The following PRKCB variants were observed in gnomAD, a reference collection of about 807,000 sequenced individuals.
The protein encoded by PRKCB is protein kinase C beta type.
Under a neutral mutation model 81.5 loss-of-function variants are expected in PRKCB, and 13 were observed. That is an observed-to-expected ratio of 0.16 (90% confidence interval 0.10 to 0.25). The LOEUF (loss-of-function observed/expected upper bound fraction) is 0.25, where lower values mean the gene tolerates loss of function less well. Among genes scored for constraint, PRKCB ranks in the 10% least tolerant of loss-of-function variants. The probability of loss-of-function intolerance (pLI) is 1.00; values close to 1 mark genes in which losing one functional copy is unlikely to be tolerated. For missense variants in PRKCB, 509 were observed against 875.7 expected (o/e 0.58, Z 5.29); for synonymous variants, 335 against 321.4 (o/e 1.04, Z -0.45).
intron 2 of PRKCB, among the ~76,000 whole-genome samples, chr16:23,987,856 C>G (rs1232150921): frequency 6.6e-6 from 1 of 152,178 alleles, no homozygotes; most frequent in Non-Finnish European, 1.5e-5. Flanking sequence ...TGTACCTCCC[C>G]CAGAGGGATA....
intron 2 of PRKCB, among the ~76,000 whole-genome samples, chr16:23,892,249 G>T (rs964786289): frequency 6.6e-6 from 1 of 151,846 alleles, no homozygotes; most frequent in Non-Finnish European, 1.5e-5. Flanking sequence ...TTCTCCATCC[G>T]TCTCAATTAG....
intron 2 of PRKCB, among the ~76,000 whole-genome samples, chr16:23,916,389 G>A (rs771695190): frequency 6.6e-6 from 1 of 151,886 alleles, no homozygotes; most frequent in Non-Finnish European, 1.5e-5. Flanking sequence ...ATGCATCATT[G>A]TATCCTATTC....
At chr16:24,060,913 T>A (rs1305154460) in intron 5 of PRKCB, among the ~76,000 whole-genome samples, 1 of 152,216 alleles carries the variant, frequency 6.6e-6, no homozygotes, top group Non-Finnish European at 1.5e-5. Flanking sequence ...TCCAGATCAG[T>A]CTTTTTTCAG....
intron 2 of PRKCB, among the ~76,000 whole-genome samples, chr16:23,930,431 TG>T (rs1313423166): frequency 6.6e-6 from 1 of 151,972 alleles, no homozygotes; most frequent in Non-Finnish European, 1.5e-5. Context: ...TAGCCTGGTA[TG>T]GGGGTATGCA....
At chr16:23,989,661 T>C (rs1272597097) in intron 3 of PRKCB, among the ~76,000 whole-genome samples, 1 of 152,162 alleles carries the variant, frequency 6.6e-6, no homozygotes, top group East Asian at 1.9e-4. Context: ...TTGAGGACAA[T>C]ATTAAGTGAA....
chr16:23,867,243 A>G (rs1047808609), intron 2 of PRKCB, among the ~76,000 whole-genome samples: 2 of 152,000 alleles, frequency 1.3e-5, no homozygotes, highest in Non-Finnish European at 1.5e-5. Flanking sequence ...CTCCTGCCTT[A>G]GCCTCCTTAG....
At chr16:23,973,941 G>A (rs138148276) in intron 2 of PRKCB, among the ~76,000 whole-genome samples, 17 of 152,318 alleles carry the variant, frequency 1.1e-4, no homozygotes, top group African/African-American at 3.8e-4. Context: ...AAAGTGCTGG[G>A]ATTACAGGCG....
Position 23,920,014 on chromosome 16 carries a change from C to T in PRKCB, c.206-68494C>T, listed in dbSNP as rs542266273. Reference sequence around the variant, plus strand: ...TGTTTTCAATTCTTTTGGCTATGAACCCAGAAGTGGAATTGCTAGATTAAA... The same window carrying T: ...TGTTTTCAATTCTTTTGGCTATGAATCCAGAAGTGGAATTGCTAGATTAAA... On this transcript the variant is annotated intron_variant, in intron 2 of 16. Coordinates refer to ENST00000643927, the MANE Select transcript of PRKCB (RefSeq NM_002738.7). 2.0e-5 allele frequency among the ~76,000 whole-genome samples: 3 copies of T among 152,206 alleles called. No homozygotes were observed. In the East Asian group the frequency reaches 5.8e-4, roughly 29 times the overall value.
intron 9 of PRKCB, among the ~76,000 whole-genome samples, chr16:24,130,166 T>A (rs1966851316): frequency 6.6e-6 from 1 of 152,226 alleles, no homozygotes; most frequent in African/African-American, 2.4e-5. Flanking sequence ...AAGGTAAAAT[T>A]ACACACACTG....
chr16:24,218,348 T>TTAG lies in PRKCB; in HGVS notation c.*3532_*3533insTAG. 1 of 985,062 alleles carries TTAG rather than the reference T, an allele frequency of 1.0e-6. No homozygotes were observed. The highest frequency in any genetic ancestry group is 1.2e-6 in the Non-Finnish European group (1 of 829,886). The allele number at this position is 985,062 out of a possible 1,614,324, so 61.0% of individuals were successfully genotyped here. A position where few individuals can be genotyped will look rare whatever the true frequency, so the allele number is the denominator to read the frequency against. The stretch of plus-strand genomic sequence containing the variant: ...TGCCGAGCGCCTGGGGGATGGAAAC[T>TTAG]CCTATAGCACCCCACAGGCTAACAG... On this transcript the variant is annotated 3_prime_UTR_variant, in exon 17 of 17. Transcript: ENST00000643927.
intron 2 of PRKCB, among the ~76,000 whole-genome samples, chr16:23,955,851 A>G (rs1243049555): frequency 6.6e-6 from 1 of 152,192 alleles, no homozygotes; most frequent in East Asian, 1.9e-4. Context: ...TTGTCCCTGC[A>G]CTGACTTTTT....
At chr16:24,063,938 A>T (rs1966003351) in intron 5 of PRKCB, among the ~76,000 whole-genome samples, 2 of 152,228 alleles carry the variant, frequency 1.3e-5, no homozygotes. Flanking sequence ...TGCAGTTGAA[A>T]AAGAATGAGT....
In PRKCB at chr16:23,934,180, G is replaced by A. The variant is rs182341870; in HGVS notation, c.206-54328G>A. Among the ~76,000 whole-genome samples, 14 of 152,214 alleles carry A rather than the reference G, an allele frequency of 9.2e-5. 1 individual carries two copies. The East Asian group carries it at 9.6e-4, about 10-fold the overall frequency. On this transcript the variant is annotated intron_variant, in intron 2 of 16. Coordinates refer to ENST00000643927, the MANE Select transcript of PRKCB (RefSeq NM_002738.7). ...GCTTTTCCTTCTTCAGTTAGGTCAC[G>A]TGTAGAGAATTGATATTAGATAGCT...
At chr16:23,941,840 T>G (rs116460356) in intron 2 of PRKCB, among the ~76,000 whole-genome samples, 1 of 152,152 alleles carries the variant, frequency 6.6e-6, no homozygotes, top group Non-Finnish European at 1.5e-5. Context: ...TAAGAATAAA[T>G]GAAAGATGGT....
At chr16:24,100,351 C>T (rs1390680555) in intron 7 of PRKCB, among the ~76,000 whole-genome samples, 1 of 152,178 alleles carries the variant, frequency 6.6e-6, no homozygotes, top group Non-Finnish European at 1.5e-5. Context: ...TGAAGTGGGA[C>T]TGGTCCCACC....
At chr16:23,944,330 A>G (rs1224236693) in intron 2 of PRKCB, among the ~76,000 whole-genome samples, 1 of 152,244 alleles carries the variant, frequency 6.6e-6, no homozygotes, top group Non-Finnish European at 1.5e-5. Context: ...GCTTAAAATT[A>G]TCCTTCTGTA....
intron 2 of PRKCB, among the ~76,000 whole-genome samples, chr16:23,908,862 A>G (rs1963608700): frequency 6.6e-6 from 1 of 152,212 alleles, no homozygotes; most frequent in South Asian, 2.1e-4. Flanking sequence ...CACTCAATAT[A>G]GAAAACCAAA....
intron 10 of PRKCB, among the ~76,000 whole-genome samples, chr16:24,158,527 C>CATGTATATGTATATGTAT (rs755706008): frequency 3.7e-4 from 52 of 141,790 alleles, no homozygotes; most frequent in Non-Finnish European, 6.6e-4. Context: ...TTTAAAAAAA[C>CATGTATATGTATATGTAT]ATGTATATGT....
At chr16:24,205,801 A>G (rs1968037955) in intron 16 of PRKCB, among the ~76,000 whole-genome samples, 1 of 152,224 alleles carries the variant, frequency 6.6e-6, no homozygotes, top group East Asian at 1.9e-4. Flanking sequence ...AACATAGACA[A>G]TCAACAGAGA....
Sources: allele counts gnomAD v4.1 joint callset (sites outside exome capture counted in the v4.1 genomes callset), GRCh38; gene constraint gnomAD v4.1.1; transcripts MANE v1.5; gene names NCBI Gene and HGNC (gene_info 2026-07-23, HGNC 2026-07-21).